Variants in FBXO25 observed in about 807,000 individuals in gnomAD.
FBXO25 encodes F-box protein 25, also known as F-box only protein 25.
Under a neutral mutation model 51.9 loss-of-function variants are expected in FBXO25, and 45 were observed. That is an observed-to-expected ratio of 0.87 (90% CI 0.68 to 1.11). The LOEUF is 1.11. FBXO25 is among the 50% of genes most tolerant of loss of function. FBXO25 has a pLI of 0.00. For synonymous variants in FBXO25, 199 were observed against 151.0 expected, an observed-to-expected ratio of 1.32 and a Z score of -2.33; for missense variants, 507 against 428.5, an observed-to-expected ratio of 1.18 and a Z score of -1.62.
At chr8:436,001 G>T (rs1184753580) in intron 5 of FBXO25, among the ~76,000 whole-genome samples, 2 of 152,224 alleles carry the variant, frequency 1.3e-5, no homozygotes, top group Non-Finnish European at 2.9e-5. Context: ...GTTGTACCAC[G>T]TACCTACATA....
chr8:456,015 G>C (rs567960564), intron 7 of FBXO25, among the ~76,000 whole-genome samples: 3 of 151,924 alleles, frequency 2.0e-5, no homozygotes, highest in African/African-American at 7.3e-5. Context: ...TTTTTTCTTC[G>C]TACTACCTTC....
rs75061336 is a variant in FBXO25 at position 457,718 on chromosome 8, G to A, written c.661-651G>A. Among the ~76,000 whole-genome samples the A allele has an allele frequency of 9.9e-4, 151 of 152,362 alleles. 1 individual carries two copies. Among genetic ancestry groups the A allele is most frequent in the African/African-American group, 3.2e-3 (132 of 41,586 alleles). ...AAATAAAAGGATTATGACTTGAGGT[G>A]ATGGACAGTGAGCTGGGCTGTGGCC... On this transcript the variant is annotated intron_variant, in intron 7 of 9. Coordinates refer to ENST00000350302, the MANE Select transcript of FBXO25 (RefSeq NM_183420.2).
intron 9 of FBXO25, among the ~76,000 whole-genome samples, chr8:463,968 T>G (rs191219112): frequency 9.9e-5 from 15 of 152,040 alleles, no homozygotes; most frequent in Admixed American, 4.6e-4. Flanking sequence ...CACTTCTTTT[T>G]TTTGTTTGTT....
Position 477,351 on chromosome 8 carries a change from G to C in FBXO25, c.*8547G>C, listed in dbSNP as rs1010340107. ...TTGTCCTATCCGTTACTGAAAGTGG[G>C]CTACTGCAGTCTCCTACTCTTACTG... On this transcript the variant is annotated 3_prime_UTR_variant, in exon 10 of 10. Coordinates refer to ENST00000350302, the MANE Select transcript of FBXO25 (RefSeq NM_183420.2). The C allele has an allele frequency of 6.6e-6, 1 of 152,182 alleles. No homozygotes were observed. The highest frequency in any genetic ancestry group is 1.5e-5 in the Non-Finnish European group (1 of 68,042). The allele number at this position is 152,182 out of a possible 1,614,324, so 9.4% of individuals were successfully genotyped here.
rs376851230 is a variant in FBXO25, at chr8:455,116, C to T, written c.661-3253C>T. 7.2e-5 allele frequency among the ~76,000 whole-genome samples: 11 copies of T among 152,170 alleles called. No individual in the cohort carries two copies. In the South Asian group the frequency reaches 1.9e-3, roughly 26 times the overall value. On this transcript the variant is annotated intron_variant, in intron 7 of 9. Transcript: ENST00000350302. Reference sequence around the variant, plus strand: ...TCCTGTGAGAAGGTATGGGAACTTCCGCATCCAGGGGCTAATAAAGTGTGT... The same window carrying T: ...TCCTGTGAGAAGGTATGGGAACTTCTGCATCCAGGGGCTAATAAAGTGTGT...
intron 5 of FBXO25, among the ~76,000 whole-genome samples, chr8:444,986 G>A (rs1393233655): frequency 6.6e-6 from 1 of 152,176 alleles, no homozygotes; most frequent in African/African-American, 2.4e-5. Context: ...TACAATATTT[G>A]TGTTTTTAAC....
At chr8:414,695 G>C (rs947075068) in intron 2 of FBXO25, among the ~76,000 whole-genome samples, 1 of 151,628 alleles carries the variant, frequency 6.6e-6, no homozygotes, top group Non-Finnish European at 1.5e-5. Flanking sequence ...TTTCCCCTTC[G>C]CCCAAACTTA....
At chr8:432,244 A>G in intron 3 of FBXO25, among the ~76,000 whole-genome samples, 1 of 151,910 alleles carries the variant, frequency 6.6e-6, no homozygotes, top group African/African-American at 2.4e-5. Flanking sequence ...GTAGTGTAGG[A>G]CTCGCTTGAC....
intron 2 of FBXO25, among the ~76,000 whole-genome samples, chr8:426,855 A>G (rs781361794): frequency 0.035 from 5,023 of 144,456 alleles, 3 homozygotes; most frequent in Non-Finnish European, 0.049. Context: ...TGCTCCCTTC[A>G]TGTAAGAAGG....
intron 2 of FBXO25, among the ~76,000 whole-genome samples, chr8:419,856 T>G (rs1336378161): frequency 1.3e-5 from 2 of 152,108 alleles, no homozygotes; most frequent in Admixed American, 6.5e-5. Flanking sequence ...AACACATTTG[T>G]AAGTCACATA....
chr8:426,808 C>CTGGCCTTGGTGCTCTTGTCGCCCT (rs1797514331), intron 2 of FBXO25, among the ~76,000 whole-genome samples: 1 of 151,886 alleles, frequency 6.6e-6, no homozygotes, highest in Non-Finnish European at 1.5e-5. Context: ...GCTGTGGCTC[C>CTGGCCTTGGTGCTCTTGTCGCCCT]ACCTGGCCTT....
In FBXO25 at chr8:474,728, T is replaced by C. The variant is rs896514211; in HGVS notation, c.*5924T>C. ...TTTTTCAATCAGGTGTGTGTTTTTA[T>C]ATGTTCTGGGTATTCACCCTTTTCA... On this transcript the variant is annotated 3_prime_UTR_variant, in exon 10 of 10. Coordinates refer to ENST00000350302, the MANE Select transcript of FBXO25 (RefSeq NM_183420.2). 37 of 456,454 alleles carry C rather than the reference T, an allele frequency of 8.1e-5. No individual in the cohort carries two copies. Among genetic ancestry groups the C allele is most frequent in the Non-Finnish European group, 1.4e-4 (31 of 226,972 alleles). 28.3% of individuals were successfully genotyped at this position (456,454 alleles called of 1,614,324 possible).
intron 5 of FBXO25, among the ~76,000 whole-genome samples, chr8:437,571 G>A (rs1237863459): frequency 1.3e-5 from 2 of 152,182 alleles, no homozygotes; most frequent in East Asian, 3.9e-4. Context: ...ATTTGCTCAT[G>A]CTTACCTTCT....
intron 2 of FBXO25, among the ~76,000 whole-genome samples, chr8:427,025 C>T (rs192073183): frequency 5.9e-5 from 9 of 151,904 alleles, no homozygotes; most frequent in Non-Finnish European, 1.3e-4. Flanking sequence ...TACACTGATA[C>T]GAAGTAGCTT....
At chr8:439,751 T>G (rs1798313311) in intron 5 of FBXO25, among the ~76,000 whole-genome samples, 1 of 152,168 alleles carries the variant, frequency 6.6e-6, no homozygotes, top group African/African-American at 2.4e-5. Flanking sequence ...CTCCTGCTTC[T>G]CAGTATCCCA....
chr8:448,340 A>G (rs1798862503), intron 5 of FBXO25, among the ~76,000 whole-genome samples: 1 of 152,228 alleles, frequency 6.6e-6, no homozygotes, highest in Admixed American at 6.5e-5. Flanking sequence ...CTGAAGATGA[A>G]GCAAGAACCT....
Position 441,994 on chromosome 8 carries a change from C to T in FBXO25, c.381+6287C>T, listed in dbSNP as rs531241204. The stretch of plus-strand genomic sequence containing the variant: ...CAGAGATACTATTTGACCCAGCAAT[C>T]CCACATGACATTATAAAATAATGAC... On this transcript the variant is annotated intron_variant, in intron 5 of 9. Transcript: ENST00000350302. Among the ~76,000 whole-genome samples the T allele has an allele frequency of 1.7e-3, 256 of 152,304 alleles. 2 individuals are homozygous for T. The highest frequency in any genetic ancestry group is 2.6e-3 in the Non-Finnish European group (179 of 68,030).
rs1353174976 is a variant in FBXO25, at chr8:477,147, A to ATAT, written c.*8345_*8347dup. The ATAT allele has an allele frequency of 6.6e-6, 1 of 152,184 alleles. No individual in the cohort carries two copies. Among genetic ancestry groups the ATAT allele is most frequent in the East Asian group, 1.9e-4 (1 of 5,196 alleles). The allele number at this position is 152,184 out of a possible 1,614,324, so 9.4% of individuals were successfully genotyped here. A position where few individuals can be genotyped will look rare whatever the true frequency, so the allele number is the denominator to read the frequency against. ...TTTCATCCCACTGTGGCCAGAAAAG[A>ATAT]TATTTTATTTCCTCAGTCTTTTGAA... On this transcript the variant is annotated 3_prime_UTR_variant, in exon 10 of 10. Coordinates refer to ENST00000350302, the MANE Select transcript of FBXO25 (RefSeq NM_183420.2).
chr8:460,309 C>T (rs1799726668), intron 8 of FBXO25, among the ~76,000 whole-genome samples: 1 of 152,276 alleles, frequency 6.6e-6, no homozygotes, highest in African/African-American at 2.4e-5. Flanking sequence ...GTCTGTTCTG[C>T]ACCCACATCC....
Sources: gnomAD v4.1 joint callset for allele counts (sites outside exome capture counted in the v4.1 genomes callset) on GRCh38, gnomAD v4.1.1 for gene constraint, MANE v1.5 for transcripts, NCBI Gene and HGNC (gene_info 2026-07-23, HGNC 2026-07-21) for gene names.